The following SMAD9 variants were observed in gnomAD, a reference collection of about 807,000 sequenced individuals.
The protein encoded by SMAD9 is SMAD family member 9.
Under a neutral mutation model 46.1 loss-of-function variants are expected in SMAD9, and 36 were observed. That is an observed-to-expected ratio of 0.78 (90% CI 0.60 to 1.03). The LOEUF is 1.03. SMAD9 is among the 50% of genes least tolerant of loss of function. The probability of loss-of-function intolerance (pLI) is 0.00; values close to 1 mark genes in which losing one functional copy is unlikely to be tolerated. For missense variants in SMAD9, 572 were observed against 599.8 expected, an observed-to-expected ratio of 0.95 and a Z score of 0.48; for synonymous variants, 245 against 237.1, an observed-to-expected ratio of 1.03 and a Z score of -0.31.
chr13:36,854,232 A>G (rs1351434190), intron 5 of SMAD9, among the ~76,000 whole-genome samples: 4 of 152,296 alleles, frequency 2.6e-5, no homozygotes, highest in Middle Eastern at 3.4e-3. Context: ...CCCAAGAACC[A>G]GTCAGTAAGG....
At chr13:36,848,952 G>A (rs373636132) in intron 6 of SMAD9, 133 bp from the exon 7 acceptor site, 13 of 755,964 alleles carry the variant, frequency 1.7e-5, no homozygotes, top group African/African-American at 1.0e-4. Context: ...AGAGAACATG[G>A]CCTCTACCTT....
At chr13:36,903,110 CT>C (rs36063047) in intron 1 of SMAD9, among the ~76,000 whole-genome samples, 56,683 of 141,134 alleles carry the variant, frequency 0.4, 13,222 homozygotes, top group Non-Finnish European at 0.51. Flanking sequence ...GGGGCTCTTT[CT>C]TTTTTTTTCT....
In SMAD9 at chr13:36,918,202, C is replaced by T. The variant is rs140505339; in HGVS notation, c.-187+1914G>A. Among the ~76,000 whole-genome samples the T allele has an allele frequency of 5.1e-4, 77 of 152,288 alleles. 1 individual carries two copies. Among genetic ancestry groups the T allele is most frequent in the African/African-American group, 1.7e-3 (70 of 41,562 alleles). On this transcript the variant is annotated intron_variant, in intron 1 of 6. Coordinates refer to ENST00000379826, the MANE Select transcript of SMAD9 (RefSeq NM_001127217.3). ...AGAAAAGCCAAATAGTTCATGTTGA[C>T]TTTGAAAGACTGATGACAATGATGT...
At chr13:36,863,740 A>G (rs2058205761) in intron 5 of SMAD9, among the ~76,000 whole-genome samples, 4 of 152,120 alleles carry the variant, frequency 2.6e-5, no homozygotes. Flanking sequence ...TTCCCAGGTG[A>G]CACACAGGCT....
At chr13:36,883,512 A>C (rs949357451) in intron 1 of SMAD9, among the ~76,000 whole-genome samples, 1 of 152,222 alleles carries the variant, frequency 6.6e-6, no homozygotes, top group Non-Finnish European at 1.5e-5. Context: ...GCACTTTGGG[A>C]GGCTTTGGCA....
At chr13:36,876,661 A>G (rs757571049) in intron 2 of SMAD9, among the ~76,000 whole-genome samples, 2 of 152,224 alleles carry the variant, frequency 1.3e-5, no homozygotes, top group Non-Finnish European at 2.9e-5. Flanking sequence ...CACCACACAT[A>G]ACTTGGAAAG....
intron 1 of SMAD9, among the ~76,000 whole-genome samples, chr13:36,907,417 C>T (rs1379980612): frequency 6.6e-6 from 1 of 152,094 alleles, no homozygotes; most frequent in Non-Finnish European, 1.5e-5. Context: ...GACTGTGATC[C>T]CAGGGCTTTG....
intron 1 of SMAD9, among the ~76,000 whole-genome samples, chr13:36,903,638 C>T (rs2058596036): frequency 6.6e-6 from 1 of 152,082 alleles, no homozygotes; most frequent in African/African-American, 2.4e-5. Flanking sequence ...ATAGCTTTTG[C>T]ATCTAATCTC....
chr13:36,870,514 G>A (rs2058280871), intron 3 of SMAD9, among the ~76,000 whole-genome samples: 1 of 151,972 alleles, frequency 6.6e-6, no homozygotes, highest in Admixed American at 6.6e-5. Flanking sequence ...CCATATCCCT[G>A]TTTTAGTTCA....
At chr13:36,873,005 T>C (rs2058310997) in intron 2 of SMAD9, 90 bp from the exon 3 acceptor site, 2 of 1,472,552 alleles carry the variant, frequency 1.4e-6, no homozygotes, top group East Asian at 2.3e-5. Context: ...ATCTATTTTT[T>C]GTTTATGATA....
intron 2 of SMAD9, 60 bp downstream of exon 2, chr13:36,879,218 T>C (rs898681489): frequency 2.4e-5 from 34 of 1,402,984 alleles, no homozygotes; most frequent in Non-Finnish European, 2.9e-5. Context: ...TCATTCTCCA[T>C]CAATGGGGCA....
Position 36,879,821 on chromosome 13 carries a change from T to C in SMAD9, c.-132A>G. ...TCTTCTGGGAGCAGCTGGGACCAATTCAAGTTGCGAAGTGTGTTGACTTTC... is the reference window on the plus strand; with the variant it reads ...TCTTCTGGGAGCAGCTGGGACCAATCCAAGTTGCGAAGTGTGTTGACTTTC... On this transcript the variant is annotated 5_prime_UTR_variant, in exon 2 of 7. Coordinates refer to ENST00000379826, the MANE Select transcript of SMAD9 (RefSeq NM_001127217.3). 1.0e-6 allele frequency: 1 copy of C among 981,064 alleles called. No individual in the cohort carries two copies. Among genetic ancestry groups the C allele is most frequent in the South Asian group, 1.5e-5 (1 of 68,752 alleles). The allele number at this position is 981,064 out of a possible 1,614,324, so 60.8% of individuals were successfully genotyped here.
chr13:36,852,382 TA>T, intron 6 of SMAD9: 1 of 985,092 alleles, frequency 1.0e-6, no homozygotes, highest in Non-Finnish European at 1.2e-6. Flanking sequence ...TTTGAAATAC[TA>T]GACTCATTTG....
chr13:36,848,363 G>T lies in SMAD9; in HGVS notation c.*313C>A. Reference sequence around the variant, plus strand: ...CACACAACATGCTTTATAATGACACGGCTGACTAAAGCTGTCTTTTATTCT... The same window carrying T: ...CACACAACATGCTTTATAATGACACTGCTGACTAAAGCTGTCTTTTATTCT... On this transcript the variant is annotated 3_prime_UTR_variant, in exon 7 of 7. Coordinates refer to ENST00000379826, the MANE Select transcript of SMAD9 (RefSeq NM_001127217.3). 2 of 346,442 alleles carry T rather than the reference G, an allele frequency of 5.8e-6. No individual in the cohort carries two copies. Among genetic ancestry groups the T allele is most frequent in the Non-Finnish European group, 1.1e-5 (2 of 184,406 alleles). The allele number at this position is 346,442 out of a possible 1,614,324, so 21.5% of individuals were successfully genotyped here.
intron 1 of SMAD9, among the ~76,000 whole-genome samples, chr13:36,907,182 G>C (rs568656186): frequency 3.2e-4 from 49 of 152,262 alleles, no homozygotes; most frequent in African/African-American, 1.1e-3. Context: ...GAAATATCTA[G>C]AATAGGGAAA....
intron 6 of SMAD9, chr13:36,851,986 A>G (rs1468624543): frequency 2.0e-6 from 2 of 982,902 alleles, no homozygotes; most frequent in Admixed American, 1.2e-4. Flanking sequence ...AAAAAACTGT[A>G]TGATTCAAAT....
In SMAD9 at chr13:36,910,133, C is replaced by A. The variant is rs546655867; in HGVS notation, c.-187+9983G>T. The stretch of plus-strand genomic sequence containing the variant: ...AATGGCATGAACCGGGGAGGCAGAG[C>A]TTGCAGTGAGCCGAGATCGCGCCAC... On this transcript the variant is annotated intron_variant, in intron 1 of 6. Coordinates refer to ENST00000379826, the MANE Select transcript of SMAD9 (RefSeq NM_001127217.3). Among the ~76,000 whole-genome samples the A allele has an allele frequency of 3.3e-5, 5 of 151,562 alleles. No individual in the cohort carries two copies. In the East Asian group the frequency reaches 9.8e-4, roughly 30 times the overall value.
chr13:36,891,446 G>A (rs1279568356), intron 1 of SMAD9, among the ~76,000 whole-genome samples: 1 of 152,162 alleles, frequency 6.6e-6, no homozygotes, highest in Admixed American at 6.5e-5. Flanking sequence ...TAAAATATTG[G>A]GGAGGTGCTA....
intron 1 of SMAD9, among the ~76,000 whole-genome samples, chr13:36,880,759 A>G (rs2058395754): frequency 6.6e-6 from 1 of 152,248 alleles, no homozygotes; most frequent in Admixed American, 6.5e-5. Context: ...TATTAAGCCA[A>G]GTATTAAATA....
Sources: gnomAD v4.1 joint callset for allele counts (sites outside exome capture counted in the v4.1 genomes callset) on GRCh38, gnomAD v4.1.1 for gene constraint, MANE v1.5 for transcripts, NCBI Gene and HGNC (gene_info 2026-07-23, HGNC 2026-07-21) for gene names.